SLC41A2: variants seen among roughly 807,000 people sequenced by gnomAD.
The protein encoded by SLC41A2 is solute carrier family 41 member 2, also known as SLC41A1-like 1.
A neutral mutation model predicts 58.3 loss-of-function variants in SLC41A2; 32 were observed. That is an observed-to-expected ratio of 0.55 (90% confidence interval 0.41 to 0.74). SLC41A2 has a LOEUF of 0.74. SLC41A2 is among the 30% of genes least tolerant of loss of function. The pLI, the probability that SLC41A2 is intolerant of heterozygous loss-of-function variation, is 0.00. For synonymous variants in SLC41A2, 190 were observed against 235.0 expected (o/e 0.81, Z 1.75); for missense variants, 514 against 680.6 (o/e 0.76, Z 2.72).
chr12:104,905,478 G>A (rs1170242542), intron 3 of SLC41A2, among the ~76,000 whole-genome samples: 1 of 152,242 alleles, frequency 6.6e-6, no homozygotes, highest in East Asian at 1.9e-4. Context: ...GGGGCTGCAG[G>A]TGGAGCTGCC....
chr12:104,810,726 C>T (rs979729070), intron 10 of SLC41A2, among the ~76,000 whole-genome samples: 1 of 152,016 alleles, frequency 6.6e-6, no homozygotes, highest in South Asian at 2.1e-4. Context: ...GAAATTGAGT[C>T]GGAGAGGTTA....
chr12:104,940,975 C>T (rs1565919024), intron 1 of SLC41A2, among the ~76,000 whole-genome samples: 1 of 147,758 alleles, frequency 6.8e-6, no homozygotes. Flanking sequence ...GAAGAAAAAT[C>T]TTGACTTTTT....
chr12:104,934,748 G>A (rs377538157), intron 1 of SLC41A2, among the ~76,000 whole-genome samples: 4 of 152,236 alleles, frequency 2.6e-5, no homozygotes, highest in Non-Finnish European at 4.4e-5. Flanking sequence ...GGACGGAACC[G>A]GAGGACATTA....
intron 10 of SLC41A2, among the ~76,000 whole-genome samples, chr12:104,808,765 G>T (rs2041041763): frequency 6.6e-6 from 1 of 152,176 alleles, no homozygotes; most frequent in Non-Finnish European, 1.5e-5. Flanking sequence ...GGTCTATTCA[G>T]AGATTCAACT....
intron 10 of SLC41A2, among the ~76,000 whole-genome samples, chr12:104,820,270 A>G (rs939631338): frequency 8.5e-5 from 13 of 152,256 alleles, no homozygotes; most frequent in African/African-American, 2.9e-4. Context: ...GTTTGAGACC[A>G]GCCTTGGCAA....
At chr12:104,915,947 AAT>A (rs2046300389) in intron 2 of SLC41A2, among the ~76,000 whole-genome samples, 1 of 152,204 alleles carries the variant, frequency 6.6e-6, no homozygotes, top group African/African-American at 2.4e-5. Context: ...ATGTCCCATC[AAT>A]ACCTAACTTA....
chr12:104,879,706 G>C (rs2044263445), intron 6 of SLC41A2, among the ~76,000 whole-genome samples: 1 of 152,160 alleles, frequency 6.6e-6, no homozygotes, highest in African/African-American at 2.4e-5. Flanking sequence ...TAGCCTTGTA[G>C]TATAGTTTGA....
chr12:104,818,931 T>A (rs936299664), intron 10 of SLC41A2, among the ~76,000 whole-genome samples: 3 of 152,108 alleles, frequency 2.0e-5, no homozygotes, highest in Non-Finnish European at 2.9e-5. Flanking sequence ...ACCATCTTAG[T>A]GGGAGATGTT....
At chr12:104,854,568 A>G (rs982322657) in intron 8 of SLC41A2, among the ~76,000 whole-genome samples, 10 of 92,922 alleles carry the variant, frequency 1.1e-4, no homozygotes, top group African/African-American at 2.6e-4. Context: ...GTCTCAAAAA[A>G]ACAAAAAAAA....
intron 6 of SLC41A2, among the ~76,000 whole-genome samples, chr12:104,871,582 T>G (rs1474039823): frequency 6.6e-6 from 1 of 152,246 alleles, no homozygotes; most frequent in East Asian, 1.9e-4. Flanking sequence ...ATAGTGGTAC[T>G]AATTCCCAGA....
chr12:104,836,290 G>C (rs542512854), intron 10 of SLC41A2, among the ~76,000 whole-genome samples: 1 of 152,256 alleles, frequency 6.6e-6, no homozygotes, highest in South Asian at 2.1e-4. Context: ...TTCCTTACTG[G>C]GCTGTTGTGA....
At chr12:104,945,499 CA>C (rs1032982908) in intron 1 of SLC41A2, among the ~76,000 whole-genome samples, 14 of 142,924 alleles carry the variant, frequency 9.8e-5, no homozygotes, top group Admixed American at 3.5e-4. Context: ...GACTCCGCCT[CA>C]AAAAAAAAGA....
intron 10 of SLC41A2, among the ~76,000 whole-genome samples, chr12:104,824,158 C>T (rs756778077): frequency 5.3e-5 from 8 of 151,766 alleles, no homozygotes; most frequent in Admixed American, 3.9e-4. Context: ...CATGGACCTA[C>T]GTGAAGACAG....
rs182250376 is a variant in SLC41A2, at chr12:104,827,857, G to C, written c.1536+16615C>G. 3.9e-3 allele frequency among the ~76,000 whole-genome samples: 590 copies of C among 152,288 alleles called. 6 individuals carry two copies. Among genetic ancestry groups the C allele is most frequent in the African/African-American group, 0.013 (557 of 41,566 alleles). The stretch of plus-strand genomic sequence containing the variant: ...AGTAAGATATACCTCTTCAGAGGGG[G>C]ATAATGATACAGAAGTGCTGGGAAG... On this transcript the variant is annotated intron_variant, in intron 10 of 10. Transcript: ENST00000258538.
intron 6 of SLC41A2, among the ~76,000 whole-genome samples, chr12:104,877,324 T>C (rs2044098641): frequency 6.6e-6 from 1 of 152,200 alleles, no homozygotes; most frequent in Non-Finnish European, 1.5e-5. Flanking sequence ...GCAGACACTT[T>C]AGCAATCTGA....
At chr12:104,913,382 C>CA (rs1451113053) in intron 2 of SLC41A2, among the ~76,000 whole-genome samples, 1 of 152,116 alleles carries the variant, frequency 6.6e-6, no homozygotes, top group Non-Finnish European at 1.5e-5. Context: ...TCAACCTTTT[C>CA]AAAAGACTCC....
intron 6 of SLC41A2, among the ~76,000 whole-genome samples, chr12:104,874,558 T>C (rs2043957107): frequency 6.6e-6 from 1 of 152,224 alleles, no homozygotes; most frequent in South Asian, 2.1e-4. Flanking sequence ...AGGTCTAGTT[T>C]CATTCTTTTG....
At chr12:104,916,842 T>G (rs975878536) in intron 2 of SLC41A2, among the ~76,000 whole-genome samples, 8 of 152,002 alleles carry the variant, frequency 5.3e-5, no homozygotes, top group African/African-American at 1.7e-4. Context: ...ATTAAAGACT[T>G]AAATGTTAGA....
chr12:104,928,230 G>T lies in SLC41A2; in HGVS notation c.298C>A (p.His100Asn). ...SEQSFHANNG[H>N]ASSSCSQKYD... ...TTTTGGCTGCAGCTTGATGATGCGT[G>T]CCCATTATTGGCATGAAAAGACTGC... The change falls in exon 2 of 11, where the codon CAC (histidine) becomes AAC (asparagine). Residue 100 changes from histidine to asparagine, a missense_variant. This residue lies in a region of SLC41A2 where 336 missense variants were observed against 430.0 expected (regional missense o/e 0.78). Coordinates refer to ENST00000258538, the MANE Select transcript of SLC41A2 (RefSeq NM_001352171.3). 6.2e-7 allele frequency: 1 copy of T among 1,614,142 alleles called. No homozygotes were observed. The highest frequency in any genetic ancestry group is 8.5e-7 in the Non-Finnish European group (1 of 1,180,004).
Sources: allele counts gnomAD v4.1 joint callset (sites outside exome capture counted in the v4.1 genomes callset), GRCh38; gene constraint gnomAD v4.1.1; regional missense constraint gnomAD v4.1.1; transcripts MANE v1.5; gene names NCBI Gene and HGNC (gene_info 2026-07-23, HGNC 2026-07-21).